TTC39B: variants seen among roughly 807,000 people sequenced by gnomAD.
TTC39B encodes tetratricopeptide repeat domain 39B.
In TTC39B, 92 loss-of-function variants were observed where a neutral mutation model predicts 96.6. That is an observed-to-expected ratio of 0.95 (90% confidence interval 0.80 to 1.13). The LOEUF (loss-of-function observed/expected upper bound fraction) is 1.13, where lower values mean the gene tolerates loss of function less well. Among genes scored for constraint, TTC39B ranks in the 50% most tolerant of loss-of-function variants. TTC39B has a pLI of 0.00. For missense variants in TTC39B, 955 were observed against 809.3 expected (o/e 1.18, Z -2.18); for synonymous variants, 367 against 299.4 (o/e 1.23, Z -2.33).
rs184882926 is a variant in TTC39B, at chr9:15,271,580, A to T, written c.241-3632T>A. Among the ~76,000 whole-genome samples the T allele has an allele frequency of 2.6e-5, 4 of 151,850 alleles. No homozygotes were observed. In the East Asian group the frequency reaches 7.8e-4, roughly 30 times the overall value. On this transcript the variant is annotated intron_variant, in intron 1 of 19. Coordinates refer to ENST00000512701, the Ensembl canonical transcript of TTC39B. ...TTAGCTCTCCTGAGACTCTCACGCCACCGCTGATCTAACACGGGGTGGAGC... is the reference window on the plus strand; with the variant it reads ...TTAGCTCTCCTGAGACTCTCACGCCTCCGCTGATCTAACACGGGGTGGAGC...
intron 16 of TTC39B, among the ~76,000 whole-genome samples, chr9:15,183,983 C>T (rs549702818): frequency 1.3e-5 from 2 of 152,208 alleles, no homozygotes; most frequent in South Asian, 2.1e-4. Context: ...CTGTCTGACC[C>T]CTGTCAGGGA....
chr9:15,284,799 T>C (rs1823896494), intron 1 of TTC39B, among the ~76,000 whole-genome samples: 1 of 152,140 alleles, frequency 6.6e-6, no homozygotes. Context: ...TTAAATCTTT[T>C]ACAGTGAGAA....
chr9:15,177,219 G>C (rs1404589119), intron 18 of TTC39B, among the ~76,000 whole-genome samples: 1 of 152,080 alleles, frequency 6.6e-6, no homozygotes, highest in Non-Finnish European at 1.5e-5. Flanking sequence ...TGTAGTCCCA[G>C]CTACTCAAGA....
intron 6 of TTC39B, among the ~76,000 whole-genome samples, chr9:15,206,551 A>G (rs1185131732): frequency 1.3e-5 from 2 of 152,228 alleles, no homozygotes; most frequent in East Asian, 1.9e-4. Flanking sequence ...GCCATTAGGC[A>G]CTTATGAGTA....
exon 20 of TTC39B, chr9:15,170,800 G>A (rs1195209124): frequency 1.3e-5 from 2 of 152,180 alleles, no homozygotes; most frequent in Non-Finnish European, 2.9e-5. Context: ...TGGGGAGTTG[G>A]GGGCAATGAT....
intron 13 of TTC39B, among the ~76,000 whole-genome samples, chr9:15,189,368 T>C (rs894738834): frequency 2.6e-5 from 4 of 152,246 alleles, no homozygotes; most frequent in African/African-American, 9.6e-5. Flanking sequence ...ATGTAGACTA[T>C]ATTCAGTAAT....
chr9:15,199,708 C>G (rs932109158), intron 8 of TTC39B, among the ~76,000 whole-genome samples, 153 bp downstream of exon 8: 8 of 109,830 alleles, frequency 7.3e-5, no homozygotes, highest in Non-Finnish European at 1.3e-4. Context: ...GCACTCCAAC[C>G]TGGGTGACAG....
chr9:15,269,742 CT>C (rs1823269509), intron 1 of TTC39B, among the ~76,000 whole-genome samples: 1 of 151,560 alleles, frequency 6.6e-6, no homozygotes, highest in African/African-American at 2.4e-5. Flanking sequence ...GTAATCCCAG[CT>C]ACTTGGGAGG....
intron 2 of TTC39B, among the ~76,000 whole-genome samples, chr9:15,236,854 A>G (rs1017496461): frequency 3.2e-4 from 49 of 152,248 alleles, no homozygotes; most frequent in African/African-American, 1.1e-3. Context: ...AGCATTAATT[A>G]AACGCCTACA....
intron 1 of TTC39B, 109 bp from the exon 2 acceptor site, chr9:15,268,057 G>C (rs1221325251): frequency 9.8e-6 from 9 of 919,586 alleles, no homozygotes; most frequent in East Asian, 4.9e-5. Context: ...GTCCTGGCAG[G>C]AAGGTATAGC....
chr9:15,258,417 G>A (rs1175130409), intron 2 of TTC39B, among the ~76,000 whole-genome samples: 1 of 152,192 alleles, frequency 6.6e-6, no homozygotes, highest in Non-Finnish European at 1.5e-5. Flanking sequence ...AAACAAAGGA[G>A]GTGGATACCA....
chr9:15,185,275 G>A lies in TTC39B; in HGVS notation c.1614+5C>T. 1 of 1,603,064 alleles carries A rather than the reference G, an allele frequency of 6.2e-7. No individual in the cohort carries two copies. The highest frequency in any genetic ancestry group is 8.5e-7 in the Non-Finnish European group (1 of 1,176,492). On this transcript the variant is annotated splice_donor_5th_base_variant and intron_variant, in intron 16 of 19. Transcript: ENST00000512701. Reference sequence around the variant, plus strand: ...AGTACATGAAAAGAAAATAAAAGCAGATACCAGGGCAGGTAAGATGAGCTT... The same window carrying A: ...AGTACATGAAAAGAAAATAAAAGCAAATACCAGGGCAGGTAAGATGAGCTT...
At chr9:15,167,014 ATATATATATATATATTTTTTTT>A (rs1817538462) in exon 20 of TTC39B, 2 of 6,568 alleles carry the variant, frequency 3.0e-4, no homozygotes, top group African/African-American at 7.9e-4. Context: ...ATATATATAT[ATATATATATATATATTTTTTTT>A]TTTTTTTTTT....
chr9:15,207,983 C>CAAAA (rs531829809), intron 6 of TTC39B, among the ~76,000 whole-genome samples: 15 of 84,606 alleles, frequency 1.8e-4, no homozygotes, highest in African/African-American at 5.2e-4. Flanking sequence ...GACTTGGTCT[C>CAAAA]AAAAAAAAAA....
intron 2 of TTC39B, chr9:15,250,003 T>A (rs1822461373): frequency 7.8e-7 from 1 of 1,288,476 alleles, no homozygotes; most frequent in Non-Finnish European, 1.0e-6. Flanking sequence ...GATTTTTTTT[T>A]AAGCCAACTA....
At chr9:15,262,873 A>G (rs187647822) in intron 2 of TTC39B, among the ~76,000 whole-genome samples, 1 of 152,304 alleles carries the variant, frequency 6.6e-6, no homozygotes, top group African/African-American at 2.4e-5. Context: ...ATCAAAATAT[A>G]TGGTTCAGTA....
At chr9:15,257,711 G>C (rs942075897) in intron 2 of TTC39B, among the ~76,000 whole-genome samples, 4 of 151,642 alleles carry the variant, frequency 2.6e-5, no homozygotes, top group Non-Finnish European at 5.9e-5. Context: ...GCCTCCCAAA[G>C]TGCTGGGATT....
intron 2 of TTC39B, among the ~76,000 whole-genome samples, 186 bp downstream of exon 2, chr9:15,267,728 G>C (rs1470999329): frequency 1.3e-5 from 2 of 152,064 alleles, no homozygotes; most frequent in South Asian, 2.1e-4. Context: ...AAATGTATCT[G>C]AAAGTATTAG....
At chr9:15,273,314 T>C (rs1458567045) in intron 1 of TTC39B, among the ~76,000 whole-genome samples, 1 of 152,230 alleles carries the variant, frequency 6.6e-6, no homozygotes. Flanking sequence ...ATCTGATTTT[T>C]AATTCACTTC....
Sources: gnomAD v4.1 joint callset for allele counts (sites outside exome capture counted in the v4.1 genomes callset) on GRCh38, gnomAD v4.1.1 for gene constraint, MANE v1.5 for transcripts, NCBI Gene and HGNC (gene_info 2026-07-23, HGNC 2026-07-21) for gene names.